Variants in SETBP1 observed in about 807,000 individuals in gnomAD.
SETBP1 encodes SET binding protein 1, also known as SET-binding protein.
SETBP1 carries 9 observed loss-of-function variants against 101.0 expected under a neutral mutation model. The observed-to-expected ratio is 0.09, with a 90% CI of 0.05 to 0.16. The LOEUF (loss-of-function observed/expected upper bound fraction) is 0.16, where lower values mean the gene tolerates loss of function less well. Ranked by LOEUF, SETBP1 falls within the 10% of genes least tolerant of loss-of-function variation. SETBP1 has a pLI of 1.00. For missense variants in SETBP1, 1,858 were observed against 2,033.8 expected (o/e 0.91, Z 1.66); for synonymous variants, 818 against 788.5 (o/e 1.04, Z -0.63).
chr18:44,876,797 G>C (rs1355249019), intron 3 of SETBP1: 4 of 1,447,076 alleles, frequency 2.8e-6, no homozygotes, highest in Admixed American at 2.7e-5. Context: ...GTCATTCCCT[G>C]TTCTTTCCAT....
At chr18:45,053,879 G>C (rs766386800) in intron 5 of SETBP1, among the ~76,000 whole-genome samples, 6 of 152,254 alleles carry the variant, frequency 3.9e-5, no homozygotes, top group Non-Finnish European at 7.4e-5. Context: ...TAAGGATAAA[G>C]TGATACCACA....
At chr18:44,831,176 G>A (rs1479937188) in intron 2 of SETBP1, among the ~76,000 whole-genome samples, 1 of 152,200 alleles carries the variant, frequency 6.6e-6, no homozygotes, top group Non-Finnish European at 1.5e-5. Context: ...CCGTTCTTAT[G>A]TTGGCCTCAA....
At chr18:45,025,003 T>A (rs950977078) in intron 4 of SETBP1, among the ~76,000 whole-genome samples, 2 of 152,218 alleles carry the variant, frequency 1.3e-5, no homozygotes, top group African/African-American at 2.4e-5. Flanking sequence ...GCACTAAAGT[T>A]TATCACAATA....
At chr18:44,795,231 C>T (rs1034474301) in intron 2 of SETBP1, among the ~76,000 whole-genome samples, 3 of 152,136 alleles carry the variant, frequency 2.0e-5, no homozygotes, top group African/African-American at 7.2e-5. Flanking sequence ...TATTAAAATG[C>T]CACAGTGATG....
intron 4 of SETBP1, among the ~76,000 whole-genome samples, chr18:45,003,332 T>C (rs2072656070): frequency 6.6e-6 from 1 of 152,234 alleles, no homozygotes; most frequent in Non-Finnish European, 1.5e-5. Context: ...AAACTCCAAG[T>C]GACATTTAAA....
intron 2 of SETBP1, among the ~76,000 whole-genome samples, chr18:44,796,031 A>G (rs1473587016): frequency 6.6e-6 from 1 of 152,122 alleles, no homozygotes. Flanking sequence ...TAACCTTCCA[A>G]TTTGTGCTTC....
chr18:44,789,951 G>A (rs2071336967), intron 2 of SETBP1, among the ~76,000 whole-genome samples: 1 of 152,222 alleles, frequency 6.6e-6, no homozygotes, highest in South Asian at 2.1e-4. Context: ...GTGACAAGCT[G>A]TGTGATCCAA....
intron 2 of SETBP1, among the ~76,000 whole-genome samples, chr18:44,789,601 G>A (rs1465042340): frequency 6.6e-6 from 1 of 152,188 alleles, no homozygotes; most frequent in Non-Finnish European, 1.5e-5. Flanking sequence ...TATTTGGGTA[G>A]CAGTCCATCA....
chr18:44,684,585 G>GTTT (rs5824553), intron 1 of SETBP1, among the ~76,000 whole-genome samples: 14 of 133,132 alleles, frequency 1.1e-4, no homozygotes, highest in South Asian at 2.5e-4. Context: ...TTTTTAGAAG[G>GTTT]TTTTTTTTTT....
intron 2 of SETBP1, among the ~76,000 whole-genome samples, chr18:44,713,247 G>C (rs533635259): frequency 1.3e-5 from 2 of 151,988 alleles, no homozygotes; most frequent in Non-Finnish European, 2.9e-5. Flanking sequence ...GTGAGCCACC[G>C]CGCCCGGCCT....
intron 2 of SETBP1, among the ~76,000 whole-genome samples, chr18:44,844,072 G>C (rs535299918): frequency 6.6e-6 from 1 of 152,100 alleles, no homozygotes; most frequent in African/African-American, 2.4e-5. Context: ...TATGGAAAAT[G>C]GGATCTATTC....
intron 2 of SETBP1, among the ~76,000 whole-genome samples, chr18:44,795,869 G>A (rs1260793569): frequency 2.6e-5 from 4 of 152,136 alleles, no homozygotes; most frequent in Admixed American, 6.5e-5. Context: ...GGGTAGAGCA[G>A]TTTGGCCCTA....
At chr18:44,937,228 G>A (rs1048076333) in intron 3 of SETBP1, among the ~76,000 whole-genome samples, 18 of 151,870 alleles carry the variant, frequency 1.2e-4, no homozygotes, top group Admixed American at 7.9e-4. Context: ...CGAGGCGGGC[G>A]GATCACGAGG....
intron 3 of SETBP1, among the ~76,000 whole-genome samples, chr18:44,891,101 T>C (rs2069758596): frequency 6.6e-6 from 1 of 152,152 alleles, no homozygotes; most frequent in Non-Finnish European, 1.5e-5. Flanking sequence ...CTTACATGGA[T>C]AGCAGCAGAT....
chr18:44,987,791 T>C (rs1228845528), intron 4 of SETBP1: 1 of 152,230 alleles, frequency 6.6e-6, no homozygotes, highest in Non-Finnish European at 1.5e-5. Context: ...TTTACTATTA[T>C]GTTGTAGCAC....
At chr18:44,958,757 A>T (rs2071547420) in intron 4 of SETBP1, among the ~76,000 whole-genome samples, 1 of 152,120 alleles carries the variant, frequency 6.6e-6, no homozygotes, top group Admixed American at 6.5e-5. Flanking sequence ...TGTAAAAGGT[A>T]AGCATCTCTT....
rs564949169 is a variant in SETBP1 at position 45,061,944 on chromosome 18, C to T, written c.4172-1135C>T. Among the ~76,000 whole-genome samples, 4 of 152,328 alleles carry T rather than the reference C, an allele frequency of 2.6e-5. No homozygotes were observed. In the South Asian group the frequency reaches 8.3e-4, roughly 32 times the overall value. ...CAAAGAACTCAGTGAAGACACACTT[C>T]TTATGTTTATAAACAGCCAGGGGGA... On this transcript the variant is annotated intron_variant, in intron 5 of 5. Transcript: ENST00000649279.
intron 3 of SETBP1, among the ~76,000 whole-genome samples, chr18:44,938,260 G>A (rs2071008256): frequency 6.6e-6 from 1 of 152,170 alleles, no homozygotes; most frequent in South Asian, 2.1e-4. Context: ...GTCCTGAGAC[G>A]TCCCTGAACG....
At chr18:44,812,841 A>G (rs2071891704) in intron 2 of SETBP1, among the ~76,000 whole-genome samples, 1 of 152,218 alleles carries the variant, frequency 6.6e-6, no homozygotes, top group African/African-American at 2.4e-5. Context: ...AATGTGAGAA[A>G]ATGCTACACT....
Sources: allele counts gnomAD v4.1 joint callset (sites outside exome capture counted in the v4.1 genomes callset), GRCh38; gene constraint gnomAD v4.1.1; transcripts MANE v1.5; gene names NCBI Gene and HGNC (gene_info 2026-07-23, HGNC 2026-07-21).